EYA4: variants seen among roughly 807,000 people sequenced by gnomAD.
EYA4 encodes protein phosphatase EYA4.
EYA4 carries 31 observed loss-of-function variants against 87.9 expected under a neutral mutation model. The observed-to-expected ratio is 0.35, with a 90% CI of 0.27 to 0.48. The LOEUF (loss-of-function observed/expected upper bound fraction) is 0.48, where lower values mean the gene tolerates loss of function less well. EYA4 is among the 20% of genes least tolerant of loss of function. The pLI, the probability that EYA4 is intolerant of heterozygous loss-of-function variation, is 0.99. For synonymous variants in EYA4, 263 were observed against 270.6 expected (o/e 0.97, Z 0.28); for missense variants, 678 against 761.4 (o/e 0.89, Z 1.29).
At chr6:133,313,987 C>G (rs141400024) in intron 2 of EYA4, among the ~76,000 whole-genome samples, 5 of 152,094 alleles carry the variant, frequency 3.3e-5, no homozygotes, top group Admixed American at 6.5e-5. Context: ...TGGCTGAACT[C>G]TAATATGAAG....
At chr6:133,352,488 G>A (rs1783714037) in intron 2 of EYA4, among the ~76,000 whole-genome samples, 1 of 152,028 alleles carries the variant, frequency 6.6e-6, no homozygotes, top group Non-Finnish European at 1.5e-5. Context: ...TTCATAAATG[G>A]TTAAGAATGT....
chr6:133,455,102 A>G (rs1327697963), intron 5 of EYA4, among the ~76,000 whole-genome samples: 1 of 152,194 alleles, frequency 6.6e-6, no homozygotes, highest in African/African-American at 2.4e-5. Flanking sequence ...AGCACGTAGC[A>G]AGCTCTCAAT....
intron 5 of EYA4, among the ~76,000 whole-genome samples, chr6:133,455,200 A>G (rs1204643488): frequency 1.3e-5 from 2 of 152,218 alleles, no homozygotes; most frequent in Non-Finnish European, 2.9e-5. Flanking sequence ...TAACCATAAT[A>G]GGGATTACTG....
At chr6:133,516,889 TACC>T (rs1254789194) in intron 17 of EYA4, among the ~76,000 whole-genome samples, 2 of 152,170 alleles carry the variant, frequency 1.3e-5, no homozygotes, top group East Asian at 1.9e-4. Flanking sequence ...GGTGTACATG[TACC>T]ACATTTTCTT....
At chr6:133,263,444 C>A (rs1379465376) in intron 1 of EYA4, among the ~76,000 whole-genome samples, 4 of 152,128 alleles carry the variant, frequency 2.6e-5, no homozygotes, top group Non-Finnish European at 5.9e-5. Flanking sequence ...TACAGACCAG[C>A]TTTTTTCCAC....
rs147519137 is a variant in EYA4, at chr6:133,247,980, A to G, written c.-66+6231A>G. The stretch of plus-strand genomic sequence containing the variant: ...ACGGTAAAATATCTCCCAGTGTGAC[A>G]TATCAGCAGAAAGGTGTGTCTACTC... On this transcript the variant is annotated intron_variant, in intron 1 of 19. Transcript: ENST00000355286. The G allele has an allele frequency of 7.2e-5, 11 of 152,334 alleles. No individual in the cohort carries two copies. The East Asian group carries it at 9.6e-4, about 13-fold the overall frequency. The allele number at this position is 152,334 out of a possible 1,614,324, so 9.4% of individuals were successfully genotyped here.
rs34316449 is a variant in EYA4 at position 133,491,951 on chromosome 6, CAAAAA to C, written c.1191+8852_1191+8856del. On this transcript the variant is annotated intron_variant, in intron 13 of 19. Transcript: ENST00000355286. The stretch of plus-strand genomic sequence containing the variant: ...TGGGGGACAGAGTGAAACTCCGTCT[CAAAAA>C]AAAAAAAAAAAAAAAGAGGAAGAAG... 2.4e-3 allele frequency among the ~76,000 whole-genome samples: 203 copies of C among 83,728 alleles called. 1 individual carries two copies. The highest frequency in any genetic ancestry group is 9.1e-3 in the African/African-American group (194 of 21,292). 54.9% of individuals were successfully genotyped at this position (83,728 alleles called of 152,430 possible).
intron 1 of EYA4, among the ~76,000 whole-genome samples, chr6:133,274,290 C>T (rs1327491790): frequency 1.3e-5 from 2 of 151,986 alleles, no homozygotes; most frequent in Admixed American, 1.3e-4. Flanking sequence ...TTCAAATTTT[C>T]CTGTAAGAGA....
At chr6:133,506,021 C>A in intron 13 of EYA4, 85 bp from the exon 14 acceptor site, 1 of 842,754 alleles carries the variant, frequency 1.2e-6, no homozygotes, top group Non-Finnish European at 2.1e-6. Context: ...CTCCCTCTTC[C>A]ACCACAGCAA....
intron 11 of EYA4, among the ~76,000 whole-genome samples, chr6:133,475,790 T>A (rs1211301484): frequency 6.6e-6 from 1 of 152,126 alleles, no homozygotes; most frequent in African/African-American, 2.4e-5. Flanking sequence ...TAATGACTGG[T>A]TGAGCTCAAG....
intron 4 of EYA4, 74 bp from the exon 5 acceptor site, chr6:133,448,037 C>T: frequency 1.7e-6 from 2 of 1,155,556 alleles, no homozygotes; most frequent in Non-Finnish European, 2.6e-6. Context: ...GAAACCAGTG[C>T]AAGCATTGAA....
intron 3 of EYA4, among the ~76,000 whole-genome samples, chr6:133,423,720 A>G (rs534339233): frequency 1.3e-5 from 2 of 152,332 alleles, no homozygotes; most frequent in South Asian, 2.1e-4. Context: ...GTATGTGCCA[A>G]TGAAGCCGTT....
chr6:133,386,170 T>C (rs557678214), intron 3 of EYA4, among the ~76,000 whole-genome samples: 1 of 152,314 alleles, frequency 6.6e-6, no homozygotes, highest in East Asian at 1.9e-4. Flanking sequence ...AAATTAAGTT[T>C]GTTACTAGAT....
intron 11 of EYA4, among the ~76,000 whole-genome samples, chr6:133,480,913 C>T (rs564981700): frequency 3.4e-4 from 51 of 148,278 alleles, no homozygotes; most frequent in African/African-American, 1.1e-3. Flanking sequence ...GACTTTTTAA[C>T]TTCTCAGTGA....
intron 2 of EYA4, among the ~76,000 whole-genome samples, chr6:133,316,849 C>T (rs115063055): frequency 2.8e-3 from 431 of 152,226 alleles, no homozygotes; most frequent in African/African-American, 9.8e-3. Context: ...TTGTGTTGGC[C>T]GAGAGGTGCT....
chr6:133,274,885 A>T, intron 2 of EYA4, 72 bp downstream of exon 2: 1 of 1,117,246 alleles, frequency 9.0e-7, no homozygotes, highest in Non-Finnish European at 1.4e-6. Context: ...TAAAAGAGAT[A>T]TATTGTAAGA....
intron 3 of EYA4, among the ~76,000 whole-genome samples, chr6:133,395,854 A>G (rs1268805226): frequency 6.6e-6 from 1 of 152,238 alleles, no homozygotes; most frequent in Non-Finnish European, 1.5e-5. Context: ...CCCAGTTTAC[A>G]CTTGGTATCT....
chr6:133,406,030 CT>C (rs1377016216), intron 3 of EYA4, among the ~76,000 whole-genome samples: 168 of 152,166 alleles, frequency 1.1e-3, no homozygotes, highest in Non-Finnish European at 1.9e-3. Flanking sequence ...ATCTACCTAC[CT>C]ACCTACCTAC....
intron 13 of EYA4, among the ~76,000 whole-genome samples, chr6:133,504,480 T>C (rs1369093066): frequency 6.6e-6 from 1 of 152,124 alleles, no homozygotes; most frequent in African/African-American, 2.4e-5. Context: ...AATTAGAAAA[T>C]TATGTTGAAA....
Sources: allele counts gnomAD v4.1 joint callset (sites outside exome capture counted in the v4.1 genomes callset), GRCh38; gene constraint gnomAD v4.1.1; transcripts MANE v1.5; gene names NCBI Gene and HGNC (gene_info 2026-07-23, HGNC 2026-07-21).